SLC24A3: variants seen among roughly 807,000 people sequenced by gnomAD.
The protein encoded by SLC24A3 is solute carrier family 24 member 3.
Under a neutral mutation model 75.8 loss-of-function variants are expected in SLC24A3, and 28 were observed. The ratio of observed to expected loss-of-function variants is 0.37; its 90% CI spans 0.27 to 0.51. The LOEUF (loss-of-function observed/expected upper bound fraction) is 0.51. Among genes scored for constraint, SLC24A3 ranks in the 20% least tolerant of loss-of-function variants. The probability of loss-of-function intolerance (pLI) is 0.94; values close to 1 mark genes in which losing one functional copy is unlikely to be tolerated. For missense variants in SLC24A3, 663 were observed against 847.8 expected, an observed-to-expected ratio of 0.78 and a Z score of 2.71; for synonymous variants, 372 against 334.1, an observed-to-expected ratio of 1.11 and a Z score of -1.24.
At chr20:19,638,926 G>A (rs1199378555) in intron 6 of SLC24A3, among the ~76,000 whole-genome samples, 1 of 152,164 alleles carries the variant, frequency 6.6e-6, no homozygotes, top group Non-Finnish European at 1.5e-5. Context: ...CATAAAAGCA[G>A]TGTGGACCCA....
At chr20:19,449,603 C>T (rs1211061512) in intron 2 of SLC24A3, among the ~76,000 whole-genome samples, 1 of 152,228 alleles carries the variant, frequency 6.6e-6, no homozygotes, top group Non-Finnish European at 1.5e-5. Flanking sequence ...CCATCTTTTC[C>T]TCTCTTTGAG....
intron 2 of SLC24A3, among the ~76,000 whole-genome samples, chr20:19,282,596 T>A (rs1224090392): frequency 1.3e-5 from 2 of 152,252 alleles, no homozygotes; most frequent in Non-Finnish European, 2.9e-5. Flanking sequence ...TCTGGTCCTG[T>A]AGTCAAATAG....
At chr20:19,473,043 A>G (rs921296396) in intron 2 of SLC24A3, among the ~76,000 whole-genome samples, 19 of 152,198 alleles carry the variant, frequency 1.2e-4, no homozygotes, top group Admixed American at 1.3e-4. Flanking sequence ...GCTGGATCAG[A>G]CATACAGAGG....
chr20:19,282,003 T>C (rs6136671), intron 2 of SLC24A3, among the ~76,000 whole-genome samples: 9,750 of 152,154 alleles, frequency 0.064, 789 homozygotes, highest in East Asian at 0.28. Context: ...CTTGGCCTCA[T>C]GTGTGCCACT....
intron 2 of SLC24A3, among the ~76,000 whole-genome samples, chr20:19,307,534 T>C (rs1984360822): frequency 6.6e-6 from 1 of 152,020 alleles, no homozygotes. Context: ...TTCTCAGTCA[T>C]AAGTGGGAGT....
In SLC24A3 at chr20:19,485,230, G is replaced by A. The variant is rs1988111759; in HGVS notation, c.272-30258G>A. 3.3e-5 allele frequency among the ~76,000 whole-genome samples: 5 copies of A among 152,184 alleles called. No individual in the cohort carries two copies. In the South Asian group the frequency reaches 1.0e-3, roughly 32 times the overall value. On this transcript the variant is annotated intron_variant, in intron 2 of 16. Transcript: ENST00000328041. The stretch of plus-strand genomic sequence containing the variant: ...AAAGAAGTGTGCATAGGATGATGCT[G>A]TAGCCCAGTTTGCCAACACTGGCAG...
intron 2 of SLC24A3, chr20:19,283,233 C>T (rs1290397442): frequency 3.3e-5 from 5 of 152,478 alleles, no homozygotes; most frequent in Non-Finnish European, 1.5e-5. Context: ...AGGAGAAGTT[C>T]TGTTCAAATC....
intron 6 of SLC24A3, among the ~76,000 whole-genome samples, chr20:19,612,578 AAAAAT>A (rs2031683767): frequency 6.6e-6 from 1 of 151,824 alleles, no homozygotes; most frequent in Non-Finnish European, 1.5e-5. Context: ...GTAAAAGGAA[AAAAAT>A]AAAACTCAAG....
At chr20:19,440,645 GTTTTTTTT>G (rs11469517) in intron 2 of SLC24A3, among the ~76,000 whole-genome samples, 1 of 131,396 alleles carries the variant, frequency 7.6e-6, no homozygotes, top group Non-Finnish European at 1.7e-5. Flanking sequence ...AGGCCTCACT[GTTTTTTTT>G]TTTTTTTTTT....
chr20:19,220,244 G>C (rs965086399), intron 1 of SLC24A3, among the ~76,000 whole-genome samples: 1 of 152,052 alleles, frequency 6.6e-6, no homozygotes, highest in Non-Finnish European at 1.5e-5. Flanking sequence ...TTTATTTTTA[G>C]GAGAGAGTGA....
intron 1 of SLC24A3, among the ~76,000 whole-genome samples, chr20:19,234,759 G>A (rs981276231): frequency 6.6e-6 from 1 of 152,154 alleles, no homozygotes; most frequent in African/African-American, 2.4e-5. Context: ...AAAGGGTCTG[G>A]GAAGAGGAAC....
intron 3 of SLC24A3, among the ~76,000 whole-genome samples, chr20:19,556,058 T>C (rs1312569037): frequency 6.6e-6 from 1 of 152,116 alleles, no homozygotes; most frequent in East Asian, 1.9e-4. Flanking sequence ...TGTCCTCACA[T>C]GGTGGAAGGG....
At chr20:19,368,915 A>T (rs1020439899) in intron 2 of SLC24A3, among the ~76,000 whole-genome samples, 5 of 152,234 alleles carry the variant, frequency 3.3e-5, no homozygotes, top group Admixed American at 3.3e-4. Context: ...ACAGGTTATA[A>T]TCCATAGAGT....
At chr20:19,328,868 G>C (rs1984930189) in intron 2 of SLC24A3, among the ~76,000 whole-genome samples, 2 of 152,236 alleles carry the variant, frequency 1.3e-5, no homozygotes, top group Non-Finnish European at 2.9e-5. Context: ...ACAGGAGCAA[G>C]CGTAAGCAGA....
intron 2 of SLC24A3, among the ~76,000 whole-genome samples, chr20:19,350,824 G>A (rs1183265252): frequency 6.6e-6 from 1 of 152,166 alleles, no homozygotes; most frequent in Non-Finnish European, 1.5e-5. Flanking sequence ...TCTGTCTTGG[G>A]TACAGACCGT....
intron 2 of SLC24A3, among the ~76,000 whole-genome samples, chr20:19,361,927 G>A (rs1457468030): frequency 6.6e-6 from 1 of 152,048 alleles, no homozygotes; most frequent in Admixed American, 6.5e-5. Context: ...AGCCTTTGGG[G>A]GTTGCTCTAC....
chr20:19,282,548 C>T (rs1983695036), intron 2 of SLC24A3, among the ~76,000 whole-genome samples: 1 of 152,268 alleles, frequency 6.6e-6, no homozygotes, highest in African/African-American at 2.4e-5. Context: ...CCTGAAAAGG[C>T]ATAGCAGGGA....
chr20:19,617,711 T>C (rs1463694764), intron 6 of SLC24A3, among the ~76,000 whole-genome samples: 2 of 152,158 alleles, frequency 1.3e-5, no homozygotes, highest in African/African-American at 2.4e-5. Flanking sequence ...ACAATCTCTA[T>C]CCTAAACCTC....
intron 6 of SLC24A3, among the ~76,000 whole-genome samples, chr20:19,649,162 A>G (rs1289034006): frequency 1.3e-5 from 2 of 152,200 alleles, no homozygotes; most frequent in Non-Finnish European, 2.9e-5. Flanking sequence ...AACAGATGCA[A>G]AGAGCCTCCC....
Sources: gnomAD v4.1 joint callset for allele counts (sites outside exome capture counted in the v4.1 genomes callset) on GRCh38, gnomAD v4.1.1 for gene constraint, MANE v1.5 for transcripts, NCBI Gene and HGNC (gene_info 2026-07-23, HGNC 2026-07-21) for gene names.